AKAP19: variants seen among roughly 807,000 people sequenced by gnomAD.
AKAP19 encodes A-kinase anchoring protein 19.
At chr2:190,133,012 G>A in the AKAP19 span, among the ~76,000 whole-genome samples, 735 of 151,966 alleles carry the variant, frequency 4.8e-3, 2 homozygotes, top group Non-Finnish European at 7.9e-3. Context: ...CAAGGTGGGC[G>A]GATCATGAGG....
At chr2:190,035,250 G>C in the AKAP19 span, among the ~76,000 whole-genome samples, 4 of 152,042 alleles carry the variant, frequency 2.6e-5, no homozygotes. Flanking sequence ...GGCCAACACA[G>C]TGAAACCCCA....
chr2:190,128,416 G>T, the AKAP19 span, among the ~76,000 whole-genome samples: 2 of 152,168 alleles, frequency 1.3e-5, no homozygotes, highest in Non-Finnish European at 2.9e-5. Flanking sequence ...GGCACAAAAG[G>T]CAGCCAAACT....
the AKAP19 span, among the ~76,000 whole-genome samples, chr2:190,106,398 C>A: frequency 6.6e-6 from 1 of 152,220 alleles, no homozygotes; most frequent in South Asian, 2.1e-4. Context: ...CTCTTTCCTA[C>A]ATTTCTAACC....
At chr2:190,150,871 T>A in the AKAP19 span, among the ~76,000 whole-genome samples, 1 of 152,096 alleles carries the variant, frequency 6.6e-6, no homozygotes, top group Non-Finnish European at 1.5e-5. Context: ...GAGTTTTGGA[T>A]TTTGCCAGAT....
At chr2:190,063,757 C>T in the AKAP19 span, among the ~76,000 whole-genome samples, 1 of 152,076 alleles carries the variant, frequency 6.6e-6, no homozygotes, top group Non-Finnish European at 1.5e-5. Flanking sequence ...GGGCAGACAC[C>T]TGGCAGGGAT....
the AKAP19 span, among the ~76,000 whole-genome samples, chr2:189,961,698 G>A: frequency 3.3e-5 from 5 of 151,948 alleles, no homozygotes; most frequent in Admixed American, 6.6e-5. Context: ...GGATCATGAG[G>A]TAAGGAGTTC....
the AKAP19 span, among the ~76,000 whole-genome samples, chr2:190,102,945 C>T: frequency 0.024 from 3,601 of 152,126 alleles, 159 homozygotes; most frequent in African/African-American, 0.082. Flanking sequence ...AAATCCTTAA[C>T]GAAATGCTAG....
At chr2:190,199,559 T>C in the AKAP19 span, 1 of 311,514 alleles carries the variant, frequency 3.2e-6, no homozygotes, top group South Asian at 1.1e-4. Flanking sequence ...TTTCTTCTAC[T>C]GATAAGATAA....
chr2:190,027,441 A>G, the AKAP19 span, among the ~76,000 whole-genome samples: 2 of 152,196 alleles, frequency 1.3e-5, no homozygotes, highest in South Asian at 4.1e-4. Flanking sequence ...TTTCCATTTA[A>G]GTGGGAGGAA....
the AKAP19 span, among the ~76,000 whole-genome samples, chr2:189,998,013 G>A: frequency 6.6e-6 from 1 of 152,088 alleles, no homozygotes; most frequent in Admixed American, 6.6e-5. Flanking sequence ...TTTATATTTT[G>A]TGCTAAATCT....
chr2:190,069,467 T>G, the AKAP19 span, among the ~76,000 whole-genome samples: 33 of 152,114 alleles, frequency 2.2e-4, no homozygotes, highest in Non-Finnish European at 4.4e-4. Context: ...AAATAATAAT[T>G]TTTTTGATTT....
the AKAP19 span, among the ~76,000 whole-genome samples, chr2:190,093,260 T>TA: frequency 2.4e-4 from 35 of 148,688 alleles, no homozygotes; most frequent in African/African-American, 5.8e-4. Flanking sequence ...CCGTCTCTAC[T>TA]AAAAAAAAAA....
the AKAP19 span, among the ~76,000 whole-genome samples, chr2:190,109,452 A>T: frequency 3.3e-5 from 5 of 151,926 alleles, no homozygotes; most frequent in Non-Finnish European, 7.4e-5. Context: ...GGCCTCATGC[A>T]ATCCCTCCGC....
chr2:190,086,967 G>C, the AKAP19 span, among the ~76,000 whole-genome samples: 255 of 152,214 alleles, frequency 1.7e-3, 8 homozygotes, highest in South Asian at 0.049. Flanking sequence ...AGTGTTTCCT[G>C]GAAAAAGTAT....
the AKAP19 span, among the ~76,000 whole-genome samples, chr2:189,881,870 C>A: frequency 6.6e-6 from 1 of 152,114 alleles, no homozygotes; most frequent in Non-Finnish European, 1.5e-5. Flanking sequence ...TCCAGTTTCC[C>A]ATTTTTATTA....
At chr2:190,074,594 T>C in the AKAP19 span, among the ~76,000 whole-genome samples, 2 of 151,614 alleles carry the variant, frequency 1.3e-5, no homozygotes, top group Non-Finnish European at 2.9e-5. Context: ...GAAGTTGCAG[T>C]GAGCTGAGAT....
At chr2:190,042,575 T>C in the AKAP19 span, among the ~76,000 whole-genome samples, 3 of 152,206 alleles carry the variant, frequency 2.0e-5, no homozygotes, top group Admixed American at 2.0e-4. Context: ...GATTTGTTCC[T>C]GCTTCTCTAA....
chr2:190,134,099 T>A, the AKAP19 span, among the ~76,000 whole-genome samples: 1 of 152,260 alleles, frequency 6.6e-6, no homozygotes, highest in African/African-American at 2.4e-5. Flanking sequence ...ATATATATAT[T>A]TTGTGTGAAT....
At chr2:189,991,129 C>T in the AKAP19 span, among the ~76,000 whole-genome samples, 6 of 152,150 alleles carry the variant, frequency 3.9e-5, no homozygotes, top group African/African-American at 1.4e-4. Context: ...TATATTTTTG[C>T]AATTGCAAAT....
Sources: gnomAD v4.1 joint callset for allele counts (sites outside exome capture counted in the v4.1 genomes callset) on GRCh38, gnomAD v4.1.1 for gene constraint, MANE v1.5 for transcripts, NCBI Gene and HGNC (gene_info 2026-07-23, HGNC 2026-07-21) for gene names.